EPB41L4A: variants seen among roughly 807,000 people sequenced by gnomAD.
EPB41L4A encodes the protein band 4.1-like protein 4A.
In EPB41L4A, 100 loss-of-function variants were observed where a neutral mutation model predicts 108.6. The observed-to-expected ratio is 0.92, with a 90% CI of 0.78 to 1.09. The LOEUF (loss-of-function observed/expected upper bound fraction) is 1.09, where lower values mean the gene tolerates loss of function less well. EPB41L4A is among the 50% of genes least tolerant of loss of function. The probability of loss-of-function intolerance (pLI) is 0.00; values close to 1 mark genes in which losing one functional copy is unlikely to be tolerated. For synonymous variants in EPB41L4A, 319 were observed against 289.0 expected, an observed-to-expected ratio of 1.10 and a Z score of -1.05; for missense variants, 1,030 against 842.7, an observed-to-expected ratio of 1.22 and a Z score of -2.75.
rs778452899 is a variant in EPB41L4A at position 112,168,775 on chromosome 5, C to A, written c.1896G>T (p.Ser632=). 1 of 1,613,958 alleles carries A rather than the reference C, an allele frequency of 6.2e-7. No individual in the cohort carries two copies. The highest frequency in any genetic ancestry group is 1.7e-5 in the Admixed American group (1 of 59,994). ...LVPPLPVTRS[S]DAQGSGDATV... is the part of the protein sequence containing the mutation. ...TAGCATCCCCAGAACCCTGAGCATC[C>A]GAAGAACGGGTCACCGGAAGTGGTG... Residue 632 remains serine, a synonymous_variant, in exon 22 of 23, where the codon TCG becomes TCT. Transcript: ENST00000261486.
At chr5:112,409,442 A>G (rs1762287255) in intron 1 of EPB41L4A, among the ~76,000 whole-genome samples, 1 of 152,194 alleles carries the variant, frequency 6.6e-6, no homozygotes, top group Non-Finnish European at 1.5e-5. Context: ...ATATATGAAC[A>G]ACCACTGAAT....
At chr5:112,148,568 C>T (rs989979645) in intron 12 of EPB41L4A, among the ~76,000 whole-genome samples, 1 of 151,938 alleles carries the variant, frequency 6.6e-6, no homozygotes, top group African/African-American at 2.4e-5. Context: ...TGAAAGGTAA[C>T]ACTTTCTCAT....
At chr5:112,360,753 G>A (rs190739714) in intron 1 of EPB41L4A, among the ~76,000 whole-genome samples, 1,625 of 152,122 alleles carry the variant, frequency 0.011, 41 homozygotes, top group South Asian at 0.05. Context: ...AGTGAGGAGC[G>A]CCTCTTCCCG....
chr5:112,198,696 G>C (rs1006800798), intron 15 of EPB41L4A, among the ~76,000 whole-genome samples: 4 of 151,438 alleles, frequency 2.6e-5, no homozygotes, highest in Non-Finnish European at 5.9e-5. Flanking sequence ...TGGGTTTTTT[G>C]GTTCCGTTTT....
chr5:112,247,702 G>T (rs1371112935), intron 9 of EPB41L4A, among the ~76,000 whole-genome samples: 1 of 152,088 alleles, frequency 6.6e-6, no homozygotes, highest in Non-Finnish European at 1.5e-5. Flanking sequence ...GATGGAATTG[G>T]GGGTTTGAGT....
intron 1 of EPB41L4A, among the ~76,000 whole-genome samples, chr5:112,407,786 A>G (rs150796429): frequency 0.017 from 2,603 of 152,306 alleles, 60 homozygotes; most frequent in African/African-American, 0.059. Context: ...CACAGTTTTA[A>G]GTTACAAAAG....
At chr5:112,306,094 G>C (rs1466678127) in intron 2 of EPB41L4A, among the ~76,000 whole-genome samples, 1 of 152,138 alleles carries the variant, frequency 6.6e-6, no homozygotes, top group East Asian at 1.9e-4. Flanking sequence ...TAGCAAGACA[G>C]TCAATCTTTC....
chr5:112,363,961 CAGTATCAACTCTAGAAA>C (rs1405917305), intron 1 of EPB41L4A, among the ~76,000 whole-genome samples: 2 of 152,152 alleles, frequency 1.3e-5, no homozygotes, highest in African/African-American at 4.8e-5. Context: ...GCAGTAAATT[CAGTATCAACTCTAGAAA>C]AGGTAATAAT....
At chr5:112,146,689 G>A (rs949496148) in intron 12 of EPB41L4A, among the ~76,000 whole-genome samples, 2 of 152,122 alleles carry the variant, frequency 1.3e-5, no homozygotes, top group Non-Finnish European at 2.9e-5. Flanking sequence ...ATTAAGACCA[G>A]TCGAGCTGCC....
intron 1 of EPB41L4A, among the ~76,000 whole-genome samples, chr5:112,317,016 G>A (rs927488997): frequency 6.6e-6 from 1 of 152,200 alleles, no homozygotes; most frequent in Non-Finnish European, 1.5e-5. Flanking sequence ...CATCAGTCTT[G>A]CTACACTCTA....
chr5:112,253,164 G>A (rs1287373812), intron 9 of EPB41L4A, among the ~76,000 whole-genome samples: 1 of 152,176 alleles, frequency 6.6e-6, no homozygotes, highest in African/African-American at 2.4e-5. Flanking sequence ...AGAGAAGCAG[G>A]AATTATACAG....
At chr5:112,267,870 T>A (rs938440837) in intron 4 of EPB41L4A, among the ~76,000 whole-genome samples, 4 of 152,002 alleles carry the variant, frequency 2.6e-5, no homozygotes, top group Non-Finnish European at 5.9e-5. Context: ...AAAACTGACT[T>A]CTTCTTACTT....
At chr5:112,258,717 C>T (rs1371501110) in intron 9 of EPB41L4A, among the ~76,000 whole-genome samples, 1 of 152,154 alleles carries the variant, frequency 6.6e-6, no homozygotes, top group African/African-American at 2.4e-5. Context: ...GAGGACATTG[C>T]CAAGTTGCAA....
intron 1 of EPB41L4A, among the ~76,000 whole-genome samples, chr5:112,413,723 T>C (rs1193383039): frequency 6.6e-6 from 1 of 152,158 alleles, no homozygotes; most frequent in African/African-American, 2.4e-5. Context: ...TAAGTATGTG[T>C]TTATGGAGAA....
At chr5:112,348,636 G>A (rs997047161) in intron 1 of EPB41L4A, among the ~76,000 whole-genome samples, 4 of 152,136 alleles carry the variant, frequency 2.6e-5, no homozygotes, top group African/African-American at 9.7e-5. Flanking sequence ...TCAGGGTGAG[G>A]AATGTGATCA....
chr5:112,170,796 A>ACCATGTGCT (rs1457247505), intron 19 of EPB41L4A, 149 bp downstream of exon 19: 2 of 686,650 alleles, frequency 2.9e-6, no homozygotes, highest in Non-Finnish European at 5.0e-6. Flanking sequence ...AGGCACCACC[A>ACCATGTGCT]CCATGTGCTC....
At chr5:112,167,123 CAAAAAA>C (rs10642511) in intron 22 of EPB41L4A, among the ~76,000 whole-genome samples, 2 of 110,588 alleles carry the variant, frequency 1.8e-5, no homozygotes, top group Non-Finnish European at 3.7e-5. Flanking sequence ...AAATTTAAGA[CAAAAAA>C]AAAAAAAAAA....
intron 1 of EPB41L4A, among the ~76,000 whole-genome samples, chr5:112,394,687 T>C (rs1479841659): frequency 1.3e-5 from 2 of 152,198 alleles, no homozygotes; most frequent in African/African-American, 2.4e-5. Flanking sequence ...GTAGATTCAA[T>C]GCCATCCCCA....
At chr5:112,203,568 T>C (rs1173369071) in intron 15 of EPB41L4A, among the ~76,000 whole-genome samples, 1 of 152,152 alleles carries the variant, frequency 6.6e-6, no homozygotes, top group Non-Finnish European at 1.5e-5. Flanking sequence ...CTAAGAACTT[T>C]TTAAATTAAG....
Sources: allele counts gnomAD v4.1 joint callset (sites outside exome capture counted in the v4.1 genomes callset), GRCh38; gene constraint gnomAD v4.1.1; transcripts MANE v1.5; gene names NCBI Gene and HGNC (gene_info 2026-07-23, HGNC 2026-07-21).